TRERF1: variants seen among roughly 807,000 people sequenced by gnomAD.
TRERF1 encodes the protein transcriptional-regulating factor 1.
A neutral mutation model predicts 122.9 loss-of-function variants in TRERF1; 27 were observed. That is an observed-to-expected ratio of 0.22 (90% CI 0.16 to 0.30). The LOEUF (loss-of-function observed/expected upper bound fraction) is 0.30. Among genes scored for constraint, TRERF1 ranks in the 10% least tolerant of loss-of-function variants. The pLI is 1.00. For synonymous variants in TRERF1, 636 were observed against 641.7 expected, an observed-to-expected ratio of 0.99 and a Z score of 0.13; for missense variants, 1,248 against 1,560.3, an observed-to-expected ratio of 0.80 and a Z score of 3.37.
chr6:42,302,343 C>T (rs559371520), intron 3 of TRERF1, among the ~76,000 whole-genome samples: 1 of 152,286 alleles, frequency 6.6e-6, no homozygotes, highest in African/African-American at 2.4e-5. Context: ...CATTACAAGT[C>T]ATTTTCACCC....
chr6:42,243,450 G>A, intron 14 of TRERF1, 89 bp from the exon 15 acceptor site: 1 of 936,862 alleles, frequency 1.1e-6, no homozygotes, highest in Admixed American at 1.9e-5. Flanking sequence ...TTTGTAATAG[G>A]GTAATAAACA....
rs147610856 is a variant in TRERF1, at chr6:42,369,849, A to G, written c.-453-6770T>C. On this transcript the variant is annotated intron_variant, in intron 2 of 17. Transcript: ENST00000372922. ...CACCCTGCTCCTTATGACAAATCCA[A>G]TCAAAACCCAGGCCTAAAAACTTCT... 8.1e-3 allele frequency among the ~76,000 whole-genome samples: 1,226 copies of G among 152,178 alleles called. 10 individuals carry two copies. The highest frequency in any genetic ancestry group is 0.017 in the Middle Eastern group (5 of 294).
intron 2 of TRERF1, among the ~76,000 whole-genome samples, chr6:42,372,055 G>T (rs953276890): frequency 2.0e-5 from 3 of 152,192 alleles, no homozygotes; most frequent in Admixed American, 6.5e-5. Context: ...GGTGGCAGGT[G>T]CCTGTAATCC....
rs146688871 is a variant in TRERF1 at position 42,241,056 on chromosome 6, T to C, written c.2859+2192A>G. Among the ~76,000 whole-genome samples the C allele has an allele frequency of 7.6e-3, 1,157 of 152,160 alleles. 17 individuals are homozygous for C. The highest frequency in any genetic ancestry group is 0.026 in the African/African-American group (1,080 of 41,506). ...TACAGGCGTGCACTACCACGTCCAG[T>C]TAATTTTTTAGTAGAGATGGGGTTT... On this transcript the variant is annotated intron_variant, in intron 15 of 17. Transcript: ENST00000372922.
intron 2 of TRERF1, among the ~76,000 whole-genome samples, chr6:42,400,796 T>A (rs2151337749): frequency 6.6e-6 from 1 of 152,284 alleles, no homozygotes; most frequent in South Asian, 2.1e-4. Context: ...AAAGTCCCAA[T>A]GTCAAATAGT....
chr6:42,270,137 G>C (rs1360592814), intron 4 of TRERF1, among the ~76,000 whole-genome samples: 1 of 152,262 alleles, frequency 6.6e-6, no homozygotes, highest in East Asian at 1.9e-4. Context: ...ACTGAGTTAT[G>C]ACTGCACCAC....
intron 4 of TRERF1, among the ~76,000 whole-genome samples, chr6:42,287,021 T>A (rs902305540): frequency 6.8e-6 from 1 of 146,456 alleles, no homozygotes; most frequent in Non-Finnish European, 1.5e-5. Context: ...AAATCATCAT[T>A]CTCAGTAAAC....
At chr6:42,307,016 C>T (rs1196465932) in intron 3 of TRERF1, among the ~76,000 whole-genome samples, 3 of 152,062 alleles carry the variant, frequency 2.0e-5, no homozygotes, top group East Asian at 3.9e-4. Context: ...TAAACAAGAG[C>T]GTGTAAAGCT....
intron 4 of TRERF1, among the ~76,000 whole-genome samples, chr6:42,271,186 A>C (rs931041417): frequency 7.2e-6 from 1 of 138,762 alleles, no homozygotes. Context: ...ACTCCATCTA[A>C]AAAAAAAAAA....
chr6:42,229,721 G>A (rs554565930), intron 17 of TRERF1, among the ~76,000 whole-genome samples: 7 of 152,216 alleles, frequency 4.6e-5, no homozygotes, highest in Admixed American at 2.0e-4. Flanking sequence ...CTCCCTCTTC[G>A]CCAAGCAAGG....
chr6:42,238,401 G>T (rs1317861264), intron 15 of TRERF1, among the ~76,000 whole-genome samples: 1 of 152,120 alleles, frequency 6.6e-6, no homozygotes, highest in Non-Finnish European at 1.5e-5. Context: ...TATTTCAACT[G>T]GCAATCTATA....
intron 12 of TRERF1, among the ~76,000 whole-genome samples, chr6:42,255,409 C>T (rs536558698): frequency 6.6e-6 from 1 of 152,348 alleles, no homozygotes; most frequent in South Asian, 2.1e-4. Flanking sequence ...AAATCAGCCT[C>T]GGTAGCTTTT....
At chr6:42,418,420 C>A (rs138218068) in intron 2 of TRERF1, among the ~76,000 whole-genome samples, 2,896 of 151,672 alleles carry the variant, frequency 0.019, 80 homozygotes, top group African/African-American at 0.065. Flanking sequence ...CAGGCACATG[C>A]CACCATGCCT....
At chr6:42,235,723 A>C (rs1772005112) in intron 16 of TRERF1, among the ~76,000 whole-genome samples, 1 of 152,230 alleles carries the variant, frequency 6.6e-6, no homozygotes, top group African/African-American at 2.4e-5. Context: ...CATTTCGATT[A>C]GTAACACTTT....
chr6:42,317,764 AT>A (rs199701614), intron 3 of TRERF1, among the ~76,000 whole-genome samples: 58 of 147,814 alleles, frequency 3.9e-4, no homozygotes, highest in South Asian at 6.4e-4. Flanking sequence ...GTTGAGAATT[AT>A]TTTTTTTTTT....
At position 42,269,008 on chromosome 6, in the gene TRERF1, G is replaced by A. The variant is rs776339597; in HGVS notation, c.583C>T (p.Pro195Ser). Residue 195 changes from proline to serine, a missense_variant, in exon 5 of 18, where the codon CCG (proline) becomes TCG (serine). Pro to Ser is a moderately conservative substitution (Grantham distance 74). Transcript: ENST00000372922. The surrounding 1 kb of genome is among the most constrained non-coding windows in gnomAD (Gnocchi z 4.9). ...TGCTGGTAGCGGGAAGGGATAGCCG[G>A]TGCTGGGGGCTCCATGGGCTTCTGA... 1.9e-6 allele frequency: 3 copies of A among 1,613,826 alleles called. No individual in the cohort carries two copies. The highest frequency in any genetic ancestry group is 2.5e-6 in the Non-Finnish European group (3 of 1,179,794).
At position 42,268,367 on chromosome 6, in the gene TRERF1, C is replaced by G. The variant is rs763283147; in HGVS notation, c.1224G>C (p.Lys408Asn). 1.3e-6 allele frequency: 2 copies of G among 1,530,940 alleles called. No individual in the cohort carries two copies. Among genetic ancestry groups the G allele is most frequent in the Middle Eastern group, 1.8e-4 (1 of 5,646 alleles). The allele number at this position is 1,530,940 out of a possible 1,614,324, so 94.8% of individuals were successfully genotyped here. A position where few individuals can be genotyped will look rare whatever the true frequency, so the allele number is the denominator to read the frequency against. Reference sequence around the variant, plus strand: ...GGGCCTGTCTGTCACTAGAGTAGGTCTTCAGCTGACTGTCCTCACGCTGCT... The same window carrying G: ...GGGCCTGTCTGTCACTAGAGTAGGTGTTCAGCTGACTGTCCTCACGCTGCT... The change falls in exon 5 of 18, where the codon AAG becomes AAC. Residue 408 changes from lysine to asparagine, a missense_variant. Lys to Asn is a moderately conservative substitution (Grantham distance 94). Coordinates refer to ENST00000372922, the Ensembl canonical transcript of TRERF1. This position sits in a 1 kb window ranked among gnomAD's most constrained non-coding sequence, Gnocchi z 4.4.
chr6:42,242,292 C>T (rs1186213338), intron 15 of TRERF1, among the ~76,000 whole-genome samples: 1 of 152,104 alleles, frequency 6.6e-6, no homozygotes, highest in Admixed American at 6.6e-5. Flanking sequence ...TAACACAATG[C>T]CTGGCACATG....
chr6:42,357,049 G>T (rs942452148), intron 3 of TRERF1, among the ~76,000 whole-genome samples: 2 of 152,048 alleles, frequency 1.3e-5, no homozygotes, highest in African/African-American at 4.8e-5. Flanking sequence ...ACCCAATGTT[G>T]GCTGGGTGCG....
Sources: gnomAD v4.1 joint callset for allele counts (sites outside exome capture counted in the v4.1 genomes callset) on GRCh38, gnomAD v4.1.1 for gene constraint, Gnocchi (gnomAD v3.1) non-coding constraint, MANE v1.5 for transcripts, NCBI Gene and HGNC (gene_info 2026-07-23, HGNC 2026-07-21) for gene names.